WASF1: variants seen among roughly 807,000 people sequenced by gnomAD.
WASF1 encodes the protein WASP family member 1.
WASF1 carries 7 observed loss-of-function variants against 50.5 expected under a neutral mutation model. The observed-to-expected ratio is 0.14, with a 90% CI of 0.08 to 0.26. The LOEUF (loss-of-function observed/expected upper bound fraction) is 0.26. Among genes scored for constraint, WASF1 ranks in the 10% least tolerant of loss-of-function variants. WASF1 has a pLI of 1.00. For synonymous variants in WASF1, 205 were observed against 244.0 expected (o/e 0.84, Z 1.49); for missense variants, 470 against 694.7 (o/e 0.68, Z 3.64).
chr6:110,175,142 T>C (rs951962795), intron 2 of WASF1, among the ~76,000 whole-genome samples: 1 of 152,122 alleles, frequency 6.6e-6, no homozygotes, highest in Non-Finnish European at 1.5e-5. Context: ...TCCATCTTTA[T>C]ATCTTCATAC....
At chr6:110,121,724 C>A (rs1201712715) in intron 4 of WASF1, among the ~76,000 whole-genome samples, 2 of 152,148 alleles carry the variant, frequency 1.3e-5, no homozygotes, top group African/African-American at 4.8e-5. Context: ...ACTATAAAGA[C>A]AAATGCACAT....
chr6:110,155,357 C>T (rs1776014639), intron 3 of WASF1, among the ~76,000 whole-genome samples: 1 of 151,776 alleles, frequency 6.6e-6, no homozygotes, highest in Non-Finnish European at 1.5e-5. Flanking sequence ...CATTTCCTGG[C>T]TTGGAATGAG....
At chr6:110,109,473 C>A (rs770607246) in intron 5 of WASF1, among the ~76,000 whole-genome samples, 6 of 151,834 alleles carry the variant, frequency 4.0e-5, no homozygotes, top group Non-Finnish European at 8.8e-5. Flanking sequence ...AAGGTAATTT[C>A]TTGATATTTA....
chr6:110,145,194 C>T (rs1031398008), intron 3 of WASF1, among the ~76,000 whole-genome samples: 11 of 152,170 alleles, frequency 7.2e-5, no homozygotes, highest in Admixed American at 5.9e-4. Context: ...AAGTTGGATT[C>T]CTAGGTATTT....
At position 110,105,387 on chromosome 6, in the gene WASF1, A is replaced by T. The variant is rs1035840257; in HGVS notation, c.713+20T>A. 1.3e-6 allele frequency: 2 copies of T among 1,577,728 alleles called. No homozygotes were observed. The highest frequency in any genetic ancestry group is 1.4e-5 in the African/African-American group (1 of 72,586). On this transcript the variant is annotated intron_variant, in intron 8 of 10. Transcript: ENST00000392589. ...AGCCAATGTTTTATCATTTAAAAAAAAAAACAAAAGTAAAGAAACCTTGTT... is the reference window on the plus strand; with the variant it reads ...AGCCAATGTTTTATCATTTAAAAAATAAAACAAAAGTAAAGAAACCTTGTT...
At position 110,134,096 on chromosome 6, in the gene WASF1, T is replaced by C. The variant is rs928625318; in HGVS notation, c.-28-6467A>G. On this transcript the variant is annotated intron_variant, in intron 3 of 10. Transcript: ENST00000392589. ...CCACGCCCAGCTAATTTTGTATTTT[T>C]AGTAGAGATGGGGTTTCACTATGTT... 2.6e-5 allele frequency among the ~76,000 whole-genome samples: 4 copies of C among 152,042 alleles called. No individual in the cohort carries two copies. In the East Asian group the frequency reaches 7.8e-4, roughly 29 times the overall value.
At chr6:110,132,880 T>C (rs1425016104) in intron 3 of WASF1, among the ~76,000 whole-genome samples, 2 of 151,154 alleles carry the variant, frequency 1.3e-5, no homozygotes, top group African/African-American at 2.4e-5. Context: ...TTCTTTTTTA[T>C]GGCTGTGTAG....
intron 2 of WASF1, among the ~76,000 whole-genome samples, chr6:110,178,261 C>A (rs892242712): frequency 6.6e-6 from 1 of 152,090 alleles, no homozygotes; most frequent in Non-Finnish European, 1.5e-5. Flanking sequence ...ATATCAAATA[C>A]TTCATTCAAA....
At chr6:110,105,720 GT>G in intron 7 of WASF1, 141 bp from the exon 8 acceptor site, 1 of 821,732 alleles carries the variant, frequency 1.2e-6, no homozygotes, top group Non-Finnish European at 1.9e-6. Flanking sequence ...CACAGAAATG[GT>G]TTACTTGTAC....
intron 3 of WASF1, among the ~76,000 whole-genome samples, chr6:110,155,536 CTTTTT>C (rs66645132): frequency 8.7e-4 from 40 of 45,974 alleles, no homozygotes; most frequent in African/African-American, 2.0e-3. Flanking sequence ...AAAGTGCCTT[CTTTTT>C]TTTTTTTTTT....
chr6:110,101,357 A>AT (rs780047180), intron 10 of WASF1, among the ~76,000 whole-genome samples: 8 of 152,210 alleles, frequency 5.3e-5, no homozygotes, highest in Non-Finnish European at 8.8e-5. Context: ...TTCACTCAAT[A>AT]AACATTTTAA....
At chr6:110,113,593 G>A in intron 4 of WASF1, 133 bp from the exon 5 acceptor site, 1 of 795,430 alleles carries the variant, frequency 1.3e-6, no homozygotes, top group South Asian at 2.4e-5. Flanking sequence ...AATGAACAAT[G>A]TAATATTACA....
chr6:110,127,229 TTCA>T (rs1314642042), intron 4 of WASF1, among the ~76,000 whole-genome samples: 2 of 152,180 alleles, frequency 1.3e-5, no homozygotes, highest in Non-Finnish European at 2.9e-5. Flanking sequence ...ATAATTTTCA[TTCA>T]TCATGTGTTT....
chr6:110,130,335 A>C (rs956769754), intron 3 of WASF1, among the ~76,000 whole-genome samples: 1 of 152,160 alleles, frequency 6.6e-6, no homozygotes, highest in Non-Finnish European at 1.5e-5. Flanking sequence ...TCCTCTTCCC[A>C]TTCTTGCTTA....
rs372843034 is a variant in WASF1 at position 110,175,026 on chromosome 6, C to T, written c.-127+3572G>A. 3.3e-5 allele frequency among the ~76,000 whole-genome samples: 5 copies of T among 152,252 alleles called. No homozygotes were observed. The East Asian group carries it at 5.8e-4, about 18-fold the overall frequency. Reference sequence around the variant, plus strand: ...TGTCCTCAAGGAGTTCACAGATTCACTTTCTCAATCTGCCTTCAGCTCCAT... The same window carrying T: ...TGTCCTCAAGGAGTTCACAGATTCATTTTCTCAATCTGCCTTCAGCTCCAT... On this transcript the variant is annotated intron_variant, in intron 2 of 10. Coordinates refer to ENST00000392589, the MANE Select transcript of WASF1 (RefSeq NM_003931.3).
At chr6:110,138,736 T>C (rs918165210) in intron 3 of WASF1, among the ~76,000 whole-genome samples, 9 of 152,174 alleles carry the variant, frequency 5.9e-5, no homozygotes, top group Admixed American at 5.9e-4. Context: ...TGAATCTGGC[T>C]GAGTCTGAAG....
At chr6:110,138,085 G>A (rs1775050970) in intron 3 of WASF1, among the ~76,000 whole-genome samples, 1 of 152,244 alleles carries the variant, frequency 6.6e-6, no homozygotes, top group Non-Finnish European at 1.5e-5. Flanking sequence ...GCCAGGCACG[G>A]AGTGGCAAGG....
intron 3 of WASF1, among the ~76,000 whole-genome samples, chr6:110,129,789 G>A (rs187454850): frequency 2.6e-5 from 4 of 152,164 alleles, no homozygotes; most frequent in Non-Finnish European, 5.9e-5. Flanking sequence ...ATGACATTGT[G>A]CTAAGTAAAT....
intron 5 of WASF1, among the ~76,000 whole-genome samples, chr6:110,112,717 T>G (rs1228744856): frequency 1.3e-5 from 2 of 151,902 alleles, no homozygotes; most frequent in Non-Finnish European, 2.9e-5. Flanking sequence ...CGGACCAACA[T>G]GGTGAAACCC....
Sources: allele counts gnomAD v4.1 joint callset (sites outside exome capture counted in the v4.1 genomes callset), GRCh38; gene constraint gnomAD v4.1.1; transcripts MANE v1.5; gene names NCBI Gene and HGNC (gene_info 2026-07-23, HGNC 2026-07-21).